ADAM9: variants seen among roughly 807,000 people sequenced by gnomAD.
ADAM9 encodes the protein ADAM metallopeptidase domain 9, also known as disintegrin and metalloproteinase domain-containing protein 9.
ADAM9 carries 54 observed loss-of-function variants against 108.1 expected under a neutral mutation model. The observed-to-expected ratio is 0.50, with a 90% confidence interval of 0.40 to 0.63. The LOEUF is 0.63. ADAM9 is among the 20% of genes least tolerant of loss of function. The pLI is 0.00. For missense variants in ADAM9, 830 were observed against 997.7 expected (o/e 0.83, Z 2.26); for synonymous variants, 316 against 336.0 (o/e 0.94, Z 0.65).
At chr8:39,018,453 C>G (rs4576396) in intron 6 of ADAM9, among the ~76,000 whole-genome samples, 123,051 of 152,140 alleles carry the variant, frequency 0.81, 49,905 homozygotes, top group East Asian at 0.95. Context: ...TAGTAATGGG[C>G]TTTTTCATTA....
At chr8:39,102,262 A>T (rs149262394) in intron 21 of ADAM9, among the ~76,000 whole-genome samples, 10 of 152,336 alleles carry the variant, frequency 6.6e-5, no homozygotes, top group African/African-American at 2.4e-4. Context: ...AAACAGCTAA[A>T]AAAGCTGGAC....
chr8:39,005,238 T>C (rs966687659), intron 1 of ADAM9, among the ~76,000 whole-genome samples: 4 of 152,082 alleles, frequency 2.6e-5, no homozygotes, highest in Admixed American at 6.6e-5. Context: ...AGAGAGGAGC[T>C]CAGTCACACA....
intron 14 of ADAM9, among the ~76,000 whole-genome samples, chr8:39,058,672 T>C (rs1323759827): frequency 6.6e-6 from 1 of 152,174 alleles, no homozygotes; most frequent in Non-Finnish European, 1.5e-5. Flanking sequence ...GAGGAGCCAA[T>C]GTGGCTGGGC....
At chr8:39,040,855 G>A (rs971930990) in intron 11 of ADAM9, among the ~76,000 whole-genome samples, 3 of 152,168 alleles carry the variant, frequency 2.0e-5, no homozygotes, top group Admixed American at 6.5e-5. Context: ...GGAAAGGATA[G>A]TTCTCTTCAA....
chr8:39,078,237 C>T (rs1020221541), intron 16 of ADAM9, among the ~76,000 whole-genome samples: 15 of 151,952 alleles, frequency 9.9e-5, no homozygotes, highest in Non-Finnish European at 5.9e-5. Context: ...TAAACTTGAT[C>T]GTTGCAGCTG....
At chr8:38,998,902 T>C (rs906239684) in intron 1 of ADAM9, among the ~76,000 whole-genome samples, 1 of 152,212 alleles carries the variant, frequency 6.6e-6, no homozygotes, top group African/African-American at 2.4e-5. Flanking sequence ...TCTTCTATGC[T>C]GAACTAAGGG....
At chr8:39,079,344 C>T (rs899021163) in intron 16 of ADAM9, among the ~76,000 whole-genome samples, 5 of 151,936 alleles carry the variant, frequency 3.3e-5, no homozygotes, top group East Asian at 1.9e-4. Flanking sequence ...TGGGCTCAAG[C>T]GATTCTCCCT....
chr8:39,104,988 T>C lies in ADAM9; in HGVS notation c.*1288T>C, dbSNP rs764274260. 1 of 428,226 alleles carries C rather than the reference T, an allele frequency of 2.3e-6. No individual in the cohort carries two copies. Among genetic ancestry groups the C allele is most frequent in the Non-Finnish European group, 4.6e-6 (1 of 219,706 alleles). 26.5% of individuals were successfully genotyped at this position (428,226 alleles called of 1,614,324 possible). Reference sequence around the variant, plus strand: ...AATACAACATTTACAATAAATAAAATACTTGAAATTCTCTTTTGTGTCTCC... The same window carrying C: ...AATACAACATTTACAATAAATAAAACACTTGAAATTCTCTTTTGTGTCTCC... On this transcript the variant is annotated 3_prime_UTR_variant, in exon 22 of 22. Transcript: ENST00000487273.
chr8:39,032,465 AC>A (rs919716198), intron 11 of ADAM9, among the ~76,000 whole-genome samples: 130 of 152,326 alleles, frequency 8.5e-4, no homozygotes, highest in African/African-American at 3.0e-3. Flanking sequence ...TGGGCGTAGG[AC>A]CCGCCGAGCC....
Position 38,998,346 on chromosome 8 carries a change from C to T in ADAM9, c.97+1186C>T, listed in dbSNP as rs796323511. Among the ~76,000 whole-genome samples, 36 of 152,186 alleles carry T rather than the reference C, an allele frequency of 2.4e-4. 1 individual carries two copies. Among genetic ancestry groups the T allele is most frequent in the African/African-American group, 8.2e-4 (34 of 41,492 alleles). ...GGTATTCTAGATGGTTAACACTCAC[C>T]GATGTTTAAGGTGAAGACGATTATA... On this transcript the variant is annotated intron_variant, in intron 1 of 21. Transcript: ENST00000487273.
At chr8:39,102,135 G>T (rs1839718118) in intron 21 of ADAM9, among the ~76,000 whole-genome samples, 1 of 152,108 alleles carries the variant, frequency 6.6e-6, no homozygotes, top group Non-Finnish European at 1.5e-5. Flanking sequence ...TATTAAATAA[G>T]CTTGAGCAAG....
At chr8:39,092,202 CAT>C (rs1210840386) in intron 20 of ADAM9, among the ~76,000 whole-genome samples, 2 of 152,128 alleles carry the variant, frequency 1.3e-5, no homozygotes, top group African/African-American at 4.8e-5. Flanking sequence ...ATAATTTGCA[CAT>C]ATATCTGCAA....
intron 1 of ADAM9, among the ~76,000 whole-genome samples, chr8:39,003,634 A>G (rs564472706): frequency 6.6e-6 from 1 of 152,274 alleles, no homozygotes; most frequent in African/African-American, 2.4e-5. Flanking sequence ...AGTATGTATT[A>G]TTTTGATGAC....
intron 15 of ADAM9, among the ~76,000 whole-genome samples, chr8:39,073,767 A>G (rs1237391938): frequency 6.6e-6 from 1 of 152,184 alleles, no homozygotes; most frequent in Non-Finnish European, 1.5e-5. Flanking sequence ...ATTTTTATGA[A>G]TATCTTATTG....
intron 21 of ADAM9, among the ~76,000 whole-genome samples, chr8:39,102,502 G>A (rs1839730915): frequency 6.6e-6 from 1 of 152,146 alleles, no homozygotes; most frequent in Admixed American, 6.6e-5. Flanking sequence ...CCAAAGAGGA[G>A]GCACCCTGGC....
At position 39,043,640 on chromosome 8, in the gene ADAM9, A is replaced by G. The variant is rs112938703; in HGVS notation, c.1302+1523A>G. On this transcript the variant is annotated intron_variant, in intron 12 of 21. Transcript: ENST00000487273. The stretch of plus-strand genomic sequence containing the variant: ...TTTTTTTGTTTCTTTTAACATTTTT[A>G]TATATTTAGGGGATGTAAATGCAGA... Among the ~76,000 whole-genome samples, 14 of 152,098 alleles carry G rather than the reference A, an allele frequency of 9.2e-5. 1 individual carries two copies. The highest frequency in any genetic ancestry group is 2.7e-4 in the African/African-American group (11 of 41,508).
At chr8:39,037,194 A>C (rs1206467026) in intron 11 of ADAM9, among the ~76,000 whole-genome samples, 1 of 148,062 alleles carries the variant, frequency 6.8e-6, no homozygotes, top group Non-Finnish European at 1.5e-5. Context: ...AGTAGCTGGG[A>C]CTACAGGCGC....
chr8:39,061,929 A>G (rs1483368827), intron 14 of ADAM9, among the ~76,000 whole-genome samples: 1 of 152,196 alleles, frequency 6.6e-6, no homozygotes, highest in African/African-American at 2.4e-5. Flanking sequence ...TGTGGCTTAA[A>G]TGGCAGACAC....
intron 14 of ADAM9, among the ~76,000 whole-genome samples, chr8:39,070,759 TAAA>T (rs79278083): frequency 5.2e-5 from 7 of 135,026 alleles, no homozygotes; most frequent in Admixed American, 7.5e-5. Context: ...TCCTGTCTCT[TAAA>T]AAAAAAAAAA....
Sources: gnomAD v4.1 joint callset for allele counts (sites outside exome capture counted in the v4.1 genomes callset) on GRCh38, gnomAD v4.1.1 for gene constraint, MANE v1.5 for transcripts, NCBI Gene and HGNC (gene_info 2026-07-23, HGNC 2026-07-21) for gene names.